Variants in DNAH12 observed in about 807,000 individuals in gnomAD.
DNAH12 encodes the protein dynein axonemal heavy chain 12, also known as axonemal beta dynein heavy chain 12.
DNAH12 carries 285 observed loss-of-function variants against 371.5 expected under a neutral mutation model. The ratio of observed to expected loss-of-function variants is 0.77; its 90% CI spans 0.70 to 0.85. DNAH12 has a LOEUF of 0.85. DNAH12 is among the 40% of genes least tolerant of loss of function. The pLI is 0.00. For missense variants in DNAH12, 3,611 were observed against 3,689.4 expected (o/e 0.98, Z 0.55); for synonymous variants, 1,200 against 1,213.0 (o/e 0.99, Z 0.22).
In DNAH12 at chr3:57,502,349, C is replaced by T. The variant is rs1575695338; in HGVS notation, c.1217G>A (p.Gly406Asp). The T allele has an allele frequency of 6.2e-7, 1 of 1,614,064 alleles. No homozygotes were observed. ...ATATGTCTCATAATGCTTTCTTGCA[C>T]CTTCTAAGTTCCGATGTACTGCTGC... The part of the protein sequence containing the change: ...LKAAVHRNLE[G>D]ARKHYETYVE... The change falls in exon 10 of 74, where the codon GGT becomes GAT. Residue 406 changes from glycine (G) to aspartate (D), a missense_variant. Physicochemically the swap from Gly to Asp is moderately conservative, Grantham distance 94. Coordinates refer to ENST00000495027, the MANE Select transcript of DNAH12 (RefSeq NM_001366028.2).
Position 57,316,132 on chromosome 3 carries a change from C to CTTT in DNAH12, c.10525-1502_10525-1501insAAA, listed in dbSNP as rs371920966. On this transcript the variant is annotated intron_variant, in intron 65 of 73. Coordinates refer to ENST00000495027, the MANE Select transcript of DNAH12 (RefSeq NM_001366028.2). The stretch of plus-strand genomic sequence containing the variant: ...ACTTTCTTAAAAAATAACCCCTTCC[C>CTTT]CTTTTTTTTTTTTGCTTGTTTTTGA... Among the ~76,000 whole-genome samples, 726 of 149,288 alleles carry CTTT rather than the reference C, an allele frequency of 4.9e-3. 22 individuals carry two copies. In the South Asian group the frequency reaches 0.066, roughly 14 times the overall value.
the DNAH12 span, among the ~76,000 whole-genome samples, chr3:57,549,832 C>T: frequency 6.6e-6 from 1 of 151,864 alleles, no homozygotes; most frequent in African/African-American, 2.4e-5. Flanking sequence ...CCATGTTGCC[C>T]AGGCTGGTCT....
chr3:57,339,069 A>G (rs1553655147), intron 60 of DNAH12, among the ~76,000 whole-genome samples: 2 of 152,148 alleles, frequency 1.3e-5, no homozygotes, highest in African/African-American at 4.8e-5. Context: ...GTTAATCTAT[A>G]ACCTTACCCC....
intron 37 of DNAH12, among the ~76,000 whole-genome samples, chr3:57,418,492 A>G (rs1012105512): frequency 2.7e-5 from 4 of 150,044 alleles, no homozygotes; most frequent in Non-Finnish European, 5.9e-5. Flanking sequence ...GTGAGCCGTG[A>G]TCGCACCACT....
At chr3:57,460,731 C>T (rs2066033364) in intron 19 of DNAH12, among the ~76,000 whole-genome samples, 1 of 152,254 alleles carries the variant, frequency 6.6e-6, no homozygotes, top group Non-Finnish European at 1.5e-5. Flanking sequence ...TCTATTTATG[C>T]TCATATTAAA....
intron 32 of DNAH12, among the ~76,000 whole-genome samples, chr3:57,432,895 A>C (rs1178513335): frequency 6.6e-6 from 1 of 152,168 alleles, no homozygotes; most frequent in Non-Finnish European, 1.5e-5. Context: ...TATACATTTT[A>C]TACCTTATAT....
chr3:57,519,230 T>G (rs956328986), intron 4 of DNAH12, among the ~76,000 whole-genome samples: 1 of 152,234 alleles, frequency 6.6e-6, no homozygotes, highest in African/African-American at 2.4e-5. Context: ...TCTTTCTTTT[T>G]GGGAGGAGGG....
rs536948710 is a variant in DNAH12, at chr3:57,509,141, C to T, written c.541G>A (p.Val181Ile). 4.3e-6 allele frequency: 7 copies of T among 1,609,950 alleles called. No individual in the cohort carries two copies. The highest frequency in any genetic ancestry group is 1.7e-4 in the Middle Eastern group (1 of 6,038). ...CTGTTTTTAAAATAATTTACTCACA[C>T]AGGAGATTCAGGTAAAGGACCTCCT... ...DEGGPLPESP[V>I]GLDYSNPWHS... The change falls in exon 6 of 74, where the codon GTA (valine) becomes ATA (isoleucine). Residue 181 changes from valine (V) to isoleucine (I), a missense_variant and splice_region_variant. Val to Ile is a conservative substitution (Grantham distance 29). This residue lies in a region of DNAH12 where 1,314 missense variants were observed against 1,398.7 expected (regional missense o/e 0.94). Transcript: ENST00000495027.
the DNAH12 span, among the ~76,000 whole-genome samples, chr3:57,554,335 C>A: frequency 2.0e-5 from 3 of 151,156 alleles, no homozygotes; most frequent in African/African-American, 7.4e-5. Flanking sequence ...ATGACAATTA[C>A]AGTATCAAAC....
upstream of DNAH12, among the ~76,000 whole-genome samples, chr3:57,545,522 AG>A (rs1410082423): frequency 6.6e-6 from 1 of 151,250 alleles, no homozygotes; most frequent in Non-Finnish European, 1.5e-5. Flanking sequence ...TCAATTTGTT[AG>A]GGTTTATTTT....
chr3:57,351,959 T>C (rs1444403677), intron 60 of DNAH12, 126 bp downstream of exon 60: 2 of 970,690 alleles, frequency 2.1e-6, no homozygotes, highest in Admixed American at 3.6e-5. Context: ...ATCAGTGAAA[T>C]GCACAAGTAA....
intron 57 of DNAH12, among the ~76,000 whole-genome samples, chr3:57,365,789 G>GA (rs2063037473): frequency 6.7e-6 from 1 of 150,232 alleles, no homozygotes; most frequent in Non-Finnish European, 1.5e-5. Context: ...ACCTATTCTG[G>GA]ATATAGTTTT....
At chr3:57,510,167 A>C (rs1472280624) in intron 5 of DNAH12, among the ~76,000 whole-genome samples, 1 of 152,146 alleles carries the variant, frequency 6.6e-6, no homozygotes, top group African/African-American at 2.4e-5. Context: ...CTCCCAAAAC[A>C]TATTAGTATT....
At chr3:57,352,004 T>C (rs2062687174) in intron 60 of DNAH12, 81 bp downstream of exon 60, 1 of 1,362,910 alleles carries the variant, frequency 7.3e-7, no homozygotes, top group African/African-American at 1.5e-5. Flanking sequence ...TATAGACTTC[T>C]GTGAGAAGAC....
intron 52 of DNAH12, among the ~76,000 whole-genome samples, chr3:57,378,632 G>A (rs2063328998): frequency 6.6e-6 from 1 of 152,118 alleles, no homozygotes; most frequent in Admixed American, 6.6e-5. Flanking sequence ...CTGGTCCTTT[G>A]CTAGCCAAAT....
At chr3:57,446,890 C>T (rs2065519748) in intron 25 of DNAH12, among the ~76,000 whole-genome samples, 1 of 152,156 alleles carries the variant, frequency 6.6e-6, no homozygotes, top group Non-Finnish European at 1.5e-5. Flanking sequence ...GACAATGTAT[C>T]AAAACTTGTC....
intron 42 of DNAH12, among the ~76,000 whole-genome samples, 180 bp downstream of exon 42, chr3:57,404,789 G>A (rs1035629679): frequency 1.3e-5 from 2 of 152,160 alleles, no homozygotes; most frequent in Non-Finnish European, 2.9e-5. Context: ...AGGATGCAGT[G>A]AGACAGGGTG....
chr3:57,524,353 C>T (rs2068560771), intron 2 of DNAH12, among the ~76,000 whole-genome samples: 1 of 152,040 alleles, frequency 6.6e-6, no homozygotes, highest in Non-Finnish European at 1.5e-5. Flanking sequence ...TCCTCAGTGC[C>T]TAGAACAGTA....
rs2061168711 is a variant in DNAH12 at position 57,293,736 on chromosome 3, T to G, written c.*45A>C. On this transcript the variant is annotated 3_prime_UTR_variant, in exon 74 of 74. Transcript: ENST00000495027. ...ATGTATATATTTTAAGTAGGACAGG[T>G]TTTTTTTTTTTTAAACTTTTGGATG... The G allele has an allele frequency of 5.6e-6, 3 of 537,552 alleles. No homozygotes were observed. Among genetic ancestry groups the G allele is most frequent in the Non-Finnish European group, 5.1e-6 (2 of 394,688 alleles). The allele number at this position is 537,552 out of a possible 1,614,324, so 33.3% of individuals were successfully genotyped here. A position where few individuals can be genotyped will look rare whatever the true frequency, so the allele number is the denominator to read the frequency against.
Sources: gnomAD v4.1 joint callset for allele counts (sites outside exome capture counted in the v4.1 genomes callset) on GRCh38, gnomAD v4.1.1 for gene constraint, gnomAD v4.1.1 regional missense constraint, MANE v1.5 for transcripts, NCBI Gene and HGNC (gene_info 2026-07-23, HGNC 2026-07-21) for gene names.